The following KYAT3 variants were observed in gnomAD, a reference collection of about 807,000 sequenced individuals.
KYAT3 encodes the protein kynurenine--oxoglutarate transaminase 3.
A neutral mutation model predicts 59.0 loss-of-function variants in KYAT3; 50 were observed. The ratio of observed to expected loss-of-function variants is 0.85; its 90% CI spans 0.68 to 1.07. The LOEUF (loss-of-function observed/expected upper bound fraction) is 1.07. Ranked by LOEUF, KYAT3 falls within the 50% of genes least tolerant of loss-of-function variation. The pLI, the probability that KYAT3 is intolerant of heterozygous loss-of-function variation, is 0.00. For synonymous variants in KYAT3, 148 were observed against 177.0 expected (o/e 0.84, Z 1.30); for missense variants, 497 against 533.3 (o/e 0.93, Z 0.67).
chr1:88,939,786 A>G (rs1675169738), intron 13 of KYAT3, among the ~76,000 whole-genome samples: 1 of 152,136 alleles, frequency 6.6e-6, no homozygotes, highest in African/African-American at 2.4e-5. Flanking sequence ...ATGTCACCAT[A>G]ATTTCCAATA....
At chr1:88,981,187 G>A (rs1196402363) in intron 2 of KYAT3, 1 of 152,182 alleles carries the variant, frequency 6.6e-6, no homozygotes, top group Non-Finnish European at 1.5e-5. Context: ...ATCTTAGCAT[G>A]GTTGTTACTT....
At chr1:88,964,808 C>A (rs778493145) in intron 5 of KYAT3, 21 bp downstream of exon 5, 47 of 1,545,612 alleles carry the variant, frequency 3.0e-5, no homozygotes, top group Non-Finnish European at 3.7e-5. Flanking sequence ...ATGGGTATTA[C>A]GATAATGTTA....
intron 4 of KYAT3, among the ~76,000 whole-genome samples, chr1:88,967,296 G>A (rs1469893748): frequency 6.6e-6 from 1 of 151,910 alleles, no homozygotes; most frequent in Non-Finnish European, 1.5e-5. Context: ...AAACCATTAG[G>A]CATTTCTTTA....
At chr1:88,935,554 G>A (rs984363131), downstream of KYAT3, among the ~76,000 whole-genome samples, 2 of 152,198 alleles carry the variant, frequency 1.3e-5, no homozygotes, top group African/African-American at 4.8e-5. Context: ...AACATCACCA[G>A]AGGTGAGGAT....
At chr1:88,927,708 A>C in the KYAT3 span, among the ~76,000 whole-genome samples, 1 of 152,316 alleles carries the variant, frequency 6.6e-6, no homozygotes, top group South Asian at 2.1e-4. Flanking sequence ...GCCAGAGTGC[A>C]TGTACCTTTA....
the KYAT3 span, among the ~76,000 whole-genome samples, chr1:88,924,928 G>A: frequency 4.6e-5 from 7 of 152,074 alleles, no homozygotes; most frequent in African/African-American, 9.7e-5. Flanking sequence ...CTTGGAATCC[G>A]TGAGGCCAAG....
intron 2 of KYAT3, among the ~76,000 whole-genome samples, chr1:88,985,694 T>G (rs1238059260): frequency 6.6e-6 from 1 of 152,126 alleles, no homozygotes; most frequent in Non-Finnish European, 1.5e-5. Flanking sequence ...GCTATGGCAA[T>G]TAAATGAGGC....
At chr1:88,977,546 C>T (rs985189716) in intron 2 of KYAT3, among the ~76,000 whole-genome samples, 5 of 152,104 alleles carry the variant, frequency 3.3e-5, no homozygotes, top group Admixed American at 6.5e-5. Context: ...ACCATGTTGG[C>T]CAGGCTGGTT....
Position 88,978,696 on chromosome 1 carries a change from A to G in KYAT3, c.100-9229T>C, listed in dbSNP as rs1676920569. Among the ~76,000 whole-genome samples the G allele has an allele frequency of 3.4e-5, 5 of 148,632 alleles. No homozygotes were observed. In the Admixed American group the frequency reaches 3.4e-4, roughly 10 times the overall value. On this transcript the variant is annotated intron_variant, in intron 2 of 13. Transcript: ENST00000260508. ...TCTTAATTTTTTTTTTTTTTGGTAG[A>G]GATAGAATATTGCTATGTTGCCCAG...
At chr1:88,942,475 T>C (rs555653924) in intron 13 of KYAT3, among the ~76,000 whole-genome samples, 2 of 152,336 alleles carry the variant, frequency 1.3e-5, no homozygotes, top group Non-Finnish European at 1.5e-5. Context: ...TAATTTTTCA[T>C]TGTAAGCTAG....
At chr1:88,922,563 C>T in the KYAT3 span, among the ~76,000 whole-genome samples, 15 of 152,178 alleles carry the variant, frequency 9.9e-5, no homozygotes, top group Admixed American at 2.6e-4. Flanking sequence ...ACTGTGCATG[C>T]GAAGGATCTG....
At chr1:88,963,702 T>C (rs1676234587) in intron 5 of KYAT3, among the ~76,000 whole-genome samples, 1 of 152,254 alleles carries the variant, frequency 6.6e-6, no homozygotes, top group South Asian at 2.1e-4. Flanking sequence ...GCATAGAATC[T>C]ATCTTTAAAA....
chr1:88,944,550 TG>T (rs1259014314), intron 11 of KYAT3, among the ~76,000 whole-genome samples: 1 of 152,242 alleles, frequency 6.6e-6, no homozygotes, highest in African/African-American at 2.4e-5. Flanking sequence ...ACCACAATTC[TG>T]AGAGGTAATG....
At chr1:88,988,407 T>C in intron 1 of KYAT3, 56 bp from the exon 2 acceptor site, 1 of 949,500 alleles carries the variant, frequency 1.1e-6, no homozygotes, top group Admixed American at 2.0e-5. Context: ...GGTACATCAC[T>C]ATCAGACACT....
At chr1:88,968,107 G>C (rs543304279) in intron 4 of KYAT3, among the ~76,000 whole-genome samples, 1 of 152,202 alleles carries the variant, frequency 6.6e-6, no homozygotes, top group East Asian at 1.9e-4. Flanking sequence ...CAAAAAACAG[G>C]CTTCCTCCTA....
intron 8 of KYAT3, among the ~76,000 whole-genome samples, chr1:88,959,474 G>C (rs573538632): frequency 5.3e-5 from 8 of 150,502 alleles, no homozygotes; most frequent in Admixed American, 4.7e-4. Flanking sequence ...TTGGGAGCCT[G>C]AGGCAGGAGA....
At chr1:88,926,631 T>C in the KYAT3 span, among the ~76,000 whole-genome samples, 1 of 152,186 alleles carries the variant, frequency 6.6e-6, no homozygotes, top group Non-Finnish European at 1.5e-5. Context: ...CGATAGATGG[T>C]TCCTCCCAGG....
rs1423012255 is a variant in KYAT3 at position 88,961,221 on chromosome 1, T to C, written c.733A>G (p.Ser245Gly). ...ACAAGCCATTCATAAACCTCATCGC[T>C]GATGCAGAGTGTGTCATATTTGATG... ...LCIKYDTLCI[S>G]DEVYEWLVYS... The change falls in exon 8 of 14, where the codon AGC (serine) becomes GGC (glycine). Residue 245 changes from serine to glycine, a missense_variant. Physicochemically the swap from Ser to Gly is moderately conservative, Grantham distance 56 (BLOSUM62 0). Coordinates refer to ENST00000260508, the MANE Select transcript of KYAT3 (RefSeq NM_001008661.3). 1.2e-6 allele frequency: 2 copies of C among 1,613,436 alleles called. No individual in the cohort carries two copies. Among genetic ancestry groups the C allele is most frequent in the Non-Finnish European group, 1.7e-6 (2 of 1,179,818 alleles).
chr1:88,928,124 A>G, the KYAT3 span, among the ~76,000 whole-genome samples: 1 of 152,170 alleles, frequency 6.6e-6, no homozygotes, highest in East Asian at 1.9e-4. Context: ...GTCCACTATA[A>G]CACAGGGAAA....
Sources: gnomAD v4.1 joint callset for allele counts (sites outside exome capture counted in the v4.1 genomes callset) on GRCh38, gnomAD v4.1.1 for gene constraint, MANE v1.5 for transcripts, NCBI Gene and HGNC (gene_info 2026-07-23, HGNC 2026-07-21) for gene names.